CSMD1: variants seen among roughly 807,000 people sequenced by gnomAD.
CSMD1 encodes CUB and sushi domain-containing protein 1.
In CSMD1, 213 loss-of-function variants were observed where a neutral mutation model predicts 417.5. That is an observed-to-expected ratio of 0.51 (90% CI 0.46 to 0.57). CSMD1 has a LOEUF of 0.57. Among genes scored for constraint, CSMD1 ranks in the 20% least tolerant of loss-of-function variants. CSMD1 has a pLI of 0.00. For missense variants in CSMD1, 6,923 were observed against 4,529.7 expected (o/e 1.53, Z -15.17); for synonymous variants, 2,862 against 1,736.8 (o/e 1.65, Z -16.11).
At chr8:4,884,204 CGTGTGT>C (rs776117074) in intron 1 of CSMD1, among the ~76,000 whole-genome samples, 2 of 149,738 alleles carry the variant, frequency 1.3e-5, no homozygotes, top group Non-Finnish European at 3.0e-5. Context: ...GTAAGAACTT[CGTGTGT>C]GTGTGTGTGT....
chr8:3,445,774 G>C (rs1175794387), intron 12 of CSMD1, among the ~76,000 whole-genome samples: 1 of 152,174 alleles, frequency 6.6e-6, no homozygotes, highest in Non-Finnish European at 1.5e-5. Context: ...TAAACAGTAA[G>C]AGGATAAAAC....
chr8:4,562,073 A>C lies in CSMD1; in HGVS notation c.302+75269T>G, dbSNP rs890019844. ...CAGCCAGCAAAGAGACGTCAATTAC[A>C]TGAAGAAGATGGAAATATGTTCCCT... On this transcript the variant is annotated intron_variant, in intron 2 of 69. Coordinates refer to ENST00000635120, the MANE Select transcript of CSMD1 (RefSeq NM_033225.6). Among the ~76,000 whole-genome samples, 66 of 152,232 alleles carry C rather than the reference A, an allele frequency of 4.3e-4. 1 individual carries two copies. The highest frequency in any genetic ancestry group is 2.9e-5 in the Non-Finnish European group (2 of 68,046).
intron 3 of CSMD1, among the ~76,000 whole-genome samples, chr8:4,076,568 A>G (rs1274871855): frequency 6.6e-6 from 1 of 152,236 alleles, no homozygotes; most frequent in African/African-American, 2.4e-5. Flanking sequence ...AAAGAAAATG[A>G]AATAATATAT....
intron 4 of CSMD1, among the ~76,000 whole-genome samples, chr8:4,013,740 T>C (rs1457654683): frequency 1.3e-5 from 2 of 152,218 alleles, no homozygotes; most frequent in Non-Finnish European, 1.5e-5. Flanking sequence ...GAACTATAGC[T>C]TGTGGGTTAC....
At chr8:3,133,997 G>C (rs1271752631) in intron 41 of CSMD1, among the ~76,000 whole-genome samples, 2 of 152,098 alleles carry the variant, frequency 1.3e-5, no homozygotes, top group Non-Finnish European at 2.9e-5. Context: ...GGCCAATGTG[G>C]TGAAACCCTG....
At chr8:4,196,349 A>G (rs749553144) in intron 3 of CSMD1, among the ~76,000 whole-genome samples, 4 of 152,212 alleles carry the variant, frequency 2.6e-5, no homozygotes, top group Non-Finnish European at 5.9e-5. Context: ...TTAAGAGAAT[A>G]CAGTCTTACT....
At chr8:3,586,657 C>T (rs4875747) in intron 8 of CSMD1, among the ~76,000 whole-genome samples, 55,361 of 152,020 alleles carry the variant, frequency 0.36, 10,921 homozygotes, top group Non-Finnish European at 0.44. Flanking sequence ...TTTACAAAAA[C>T]AAGAAGTAAA....
intron 6 of CSMD1, among the ~76,000 whole-genome samples, chr8:3,715,721 T>C (rs545816645): frequency 6.6e-5 from 10 of 152,260 alleles, no homozygotes; most frequent in African/African-American, 2.4e-4. Flanking sequence ...TTTTGTATTT[T>C]TAGTAGAGAC....
At chr8:3,069,007 G>C (rs1007014015) in intron 49 of CSMD1, among the ~76,000 whole-genome samples, 1 of 152,096 alleles carries the variant, frequency 6.6e-6, no homozygotes, top group Non-Finnish European at 1.5e-5. Context: ...CCTCATCTGA[G>C]ACAAGGAGAG....
At chr8:4,415,524 G>C (rs955766836) in intron 3 of CSMD1, among the ~76,000 whole-genome samples, 4 of 152,054 alleles carry the variant, frequency 2.6e-5, no homozygotes, top group African/African-American at 7.2e-5. Flanking sequence ...TTGCTCTTCC[G>C]CCCTGTTTTA....
chr8:4,805,464 C>T lies in CSMD1; in HGVS notation c.86-167906G>A, dbSNP rs907754206. Among the ~76,000 whole-genome samples the T allele has an allele frequency of 4.6e-5, 7 of 152,188 alleles. No homozygotes were observed. In the East Asian group the frequency reaches 5.8e-4, roughly 13 times the overall value. On this transcript the variant is annotated intron_variant, in intron 1 of 69. Coordinates refer to ENST00000635120, the MANE Select transcript of CSMD1 (RefSeq NM_033225.6). ...CCAGGAGGCTCAGTGGGTTGAGAAG[C>T]CTGCGTCGAGAAGTCAGCGAGTGAA...
chr8:3,399,626 T>C (rs1042777689), intron 15 of CSMD1, 97 bp from the exon 16 acceptor site: 65 of 879,536 alleles, frequency 7.4e-5, no homozygotes, highest in South Asian at 3.8e-4. Flanking sequence ...TCTGTGTTCA[T>C]AGACTGAATA....
chr8:4,419,254 T>C (rs1321211758), intron 3 of CSMD1, among the ~76,000 whole-genome samples: 1 of 152,182 alleles, frequency 6.6e-6, no homozygotes, highest in Non-Finnish European at 1.5e-5. Context: ...TAAAAGGCAA[T>C]TTAAAATCTC....
intron 1 of CSMD1, among the ~76,000 whole-genome samples, chr8:4,915,920 G>C (rs1313181791): frequency 6.6e-6 from 1 of 152,192 alleles, no homozygotes; most frequent in Non-Finnish European, 1.5e-5. Flanking sequence ...TTCATGGGGA[G>C]TGGGTATAAA....
rs549346749 is a variant in CSMD1, at chr8:4,756,298, G to C, written c.86-118740C>G. Among the ~76,000 whole-genome samples, 19 of 152,230 alleles carry C rather than the reference G, an allele frequency of 1.2e-4. No homozygotes were observed. The South Asian group carries it at 1.5e-3, about 12-fold the overall frequency. ...ATTGCCATCATGCAAAATTGAGAAA[G>C]TTTTAAATATTGAAGATTTCCAGAA... On this transcript the variant is annotated intron_variant, in intron 1 of 69. Coordinates refer to ENST00000635120, the MANE Select transcript of CSMD1 (RefSeq NM_033225.6).
At chr8:4,295,840 T>G (rs2128870287) in intron 3 of CSMD1, among the ~76,000 whole-genome samples, 1 of 146,102 alleles carries the variant, frequency 6.8e-6, no homozygotes, top group East Asian at 2.0e-4. Flanking sequence ...TTATGCAAAT[T>G]TCAGATTTCT....
chr8:3,382,917 CA>C (rs1228108813), intron 18 of CSMD1, among the ~76,000 whole-genome samples: 1 of 151,872 alleles, frequency 6.6e-6, no homozygotes, highest in East Asian at 1.9e-4. Context: ...TAAGATTTCT[CA>C]AAAAAACCCA....
At chr8:4,844,369 T>C (rs1168387941) in intron 1 of CSMD1, among the ~76,000 whole-genome samples, 1 of 152,154 alleles carries the variant, frequency 6.6e-6, no homozygotes, top group African/African-American at 2.4e-5. Context: ...GAAAAACTCA[T>C]GCCCTTCCCA....
chr8:4,975,826 A>AC (rs1810526422), intron 1 of CSMD1, among the ~76,000 whole-genome samples: 1 of 146,666 alleles, frequency 6.8e-6, no homozygotes, highest in Non-Finnish European at 1.5e-5. Context: ...TTGCAATAAT[A>AC]GAAAAAAACC....
Sources: allele counts gnomAD v4.1 joint callset (sites outside exome capture counted in the v4.1 genomes callset), GRCh38; gene constraint gnomAD v4.1.1; transcripts MANE v1.5; gene names NCBI Gene and HGNC (gene_info 2026-07-23, HGNC 2026-07-21).